The following TTC28 variants were observed in gnomAD, a reference collection of about 807,000 sequenced individuals.
TTC28 encodes the protein tetratricopeptide repeat domain 28.
In TTC28, 61 loss-of-function variants were observed where a neutral mutation model predicts 198.0. The observed-to-expected ratio is 0.31, with a 90% CI of 0.25 to 0.38. TTC28 has a LOEUF of 0.38. TTC28 is among the 10% of genes least tolerant of loss of function. The pLI, the probability that TTC28 is intolerant of heterozygous loss-of-function variation, is 1.00. For synonymous variants in TTC28, 1,171 were observed against 1,297.8 expected, an observed-to-expected ratio of 0.90 and a Z score of 2.10; for missense variants, 2,678 against 3,164.0, an observed-to-expected ratio of 0.85 and a Z score of 3.69.
At chr22:28,286,140 T>G in intron 5 of TTC28, among the ~76,000 whole-genome samples, 1 of 151,976 alleles carries the variant, frequency 6.6e-6, no homozygotes. Flanking sequence ...TCAAGATTAT[T>G]AAGTAACAAA....
intron 2 of TTC28, among the ~76,000 whole-genome samples, chr22:28,570,462 C>T (rs2050042559): frequency 6.6e-6 from 1 of 152,148 alleles, no homozygotes; most frequent in South Asian, 2.1e-4. Context: ...AAACCAAATA[C>T]CACGTGTTCT....
chr22:28,015,765 G>T (rs1440000786), intron 13 of TTC28, among the ~76,000 whole-genome samples: 1 of 151,830 alleles, frequency 6.6e-6, no homozygotes, highest in Non-Finnish European at 1.5e-5. Context: ...ACTGTTCATA[G>T]TTTAAGAGTT....
At chr22:28,276,032 TA>T (rs1569234817) in intron 5 of TTC28, among the ~76,000 whole-genome samples, 2 of 151,964 alleles carry the variant, frequency 1.3e-5, no homozygotes, top group African/African-American at 4.8e-5. Flanking sequence ...CTTTTTTTTT[TA>T]GAAAGGGCCT....
intron 5 of TTC28, among the ~76,000 whole-genome samples, chr22:28,199,698 CAGG>C: frequency 6.6e-6 from 1 of 151,670 alleles, no homozygotes; most frequent in East Asian, 1.9e-4. Context: ...TTATCTGTAG[CAGG>C]AGATGTGTGG....
chr22:28,154,356 C>CT (rs559340098), intron 6 of TTC28, among the ~76,000 whole-genome samples: 1,290 of 115,340 alleles, frequency 0.011, 7 homozygotes, highest in Middle Eastern at 0.041. Flanking sequence ...TTTTCTTTTT[C>CT]TTTTTTTTTT....
At chr22:28,232,613 A>G (rs1443315089) in intron 5 of TTC28, 1 of 152,368 alleles carries the variant, frequency 6.6e-6, no homozygotes, top group East Asian at 1.9e-4. Flanking sequence ...AATGAAAAAA[A>G]CCACAACTCA....
intron 14 of TTC28, among the ~76,000 whole-genome samples, chr22:28,011,940 A>T (rs1938181849): frequency 6.6e-6 from 1 of 152,170 alleles, no homozygotes; most frequent in Non-Finnish European, 1.5e-5. Context: ...TGGAACAAGT[A>T]ATCTGGGGAC....
At chr22:28,284,998 T>C (rs1385011918) in intron 5 of TTC28, among the ~76,000 whole-genome samples, 1 of 152,216 alleles carries the variant, frequency 6.6e-6, no homozygotes, top group Non-Finnish European at 1.5e-5. Flanking sequence ...TCTGAGTATA[T>C]ATCCAAAGCA....
At chr22:28,632,728 T>A (rs2051198629) in intron 1 of TTC28, among the ~76,000 whole-genome samples, 3 of 150,020 alleles carry the variant, frequency 2.0e-5, no homozygotes, top group Non-Finnish European at 4.4e-5. Context: ...ACTTTTAAAG[T>A]AAGATAAACT....
chr22:28,639,351 T>G lies in TTC28; in HGVS notation c.103-9521A>C, dbSNP rs1423283052. ...TACACTTCTACCAACAATTTATGAG[T>G]GTAACTTTTTCCTTACCCCCTCTCC... On this transcript the variant is annotated intron_variant, in intron 1 of 22. Transcript: ENST00000397906. Among the ~76,000 whole-genome samples, 8 of 152,300 alleles carry G rather than the reference T, an allele frequency of 5.3e-5. No individual in the cohort carries two copies. In the East Asian group the frequency reaches 1.2e-3, roughly 22 times the overall value.
chr22:28,604,345 T>A (rs1257782502), intron 2 of TTC28, among the ~76,000 whole-genome samples: 1 of 141,840 alleles, frequency 7.1e-6, no homozygotes, highest in East Asian at 2.0e-4. Context: ...ATTTCTGGAG[T>A]AGCTTTCATA....
At chr22:28,036,458 C>A (rs777492291) in intron 12 of TTC28, among the ~76,000 whole-genome samples, 1 of 152,154 alleles carries the variant, frequency 6.6e-6, no homozygotes, top group African/African-American at 2.4e-5. Flanking sequence ...TAAAGACGTT[C>A]TTTGAAACCA....
chr22:28,014,098 G>A, intron 14 of TTC28, 150 bp downstream of exon 14: 1 of 996,078 alleles, frequency 1.0e-6, no homozygotes, highest in Non-Finnish European at 1.4e-6. Context: ...AATGCTCACT[G>A]AGAAGCTGGA....
chr22:28,280,495 T>C (rs981075775), intron 5 of TTC28, among the ~76,000 whole-genome samples: 4 of 151,994 alleles, frequency 2.6e-5, no homozygotes, highest in Admixed American at 2.0e-4. Flanking sequence ...TGCACCACCA[T>C]GCCTGGCTAA....
chr22:28,490,202 A>G (rs2048357052), intron 2 of TTC28, among the ~76,000 whole-genome samples: 1 of 152,222 alleles, frequency 6.6e-6, no homozygotes, highest in Non-Finnish European at 1.5e-5. Context: ...CACACCCAAG[A>G]TCAATACTTC....
chr22:28,311,199 T>C (rs1412522105), intron 2 of TTC28, among the ~76,000 whole-genome samples: 1 of 152,220 alleles, frequency 6.6e-6, no homozygotes, highest in Non-Finnish European at 1.5e-5. Flanking sequence ...ATGCTTTCCA[T>C]ATAATCACTA....
chr22:28,664,756 A>C (rs1052987509), intron 1 of TTC28, among the ~76,000 whole-genome samples: 2 of 23,866 alleles, frequency 8.4e-5, no homozygotes, highest in African/African-American at 4.5e-4. Flanking sequence ...TCCCCAATCT[A>C]GCAAGGCAGG....
intron 2 of TTC28, among the ~76,000 whole-genome samples, chr22:28,519,316 C>T (rs554975853): frequency 6.6e-6 from 1 of 152,240 alleles, no homozygotes; most frequent in South Asian, 2.1e-4. Context: ...GGTCATTTTA[C>T]TGAACTGGAG....
chr22:28,053,265 G>GAGA, intron 12 of TTC28, among the ~76,000 whole-genome samples: 1 of 152,200 alleles, frequency 6.6e-6, no homozygotes, highest in African/African-American at 2.4e-5. Flanking sequence ...CCACTGCTGG[G>GAGA]CATCTGCACA....
Sources: gnomAD v4.1 joint callset for allele counts (sites outside exome capture counted in the v4.1 genomes callset) on GRCh38, gnomAD v4.1.1 for gene constraint, MANE v1.5 for transcripts, NCBI Gene and HGNC (gene_info 2026-07-23, HGNC 2026-07-21) for gene names.